SLC5A4: variants seen among roughly 807,000 people sequenced by gnomAD.
SLC5A4 encodes the protein solute carrier family 5 member 4.
A neutral mutation model predicts 70.3 loss-of-function variants in SLC5A4; 55 were observed. That is an observed-to-expected ratio of 0.78 (90% CI 0.63 to 0.98). The LOEUF (loss-of-function observed/expected upper bound fraction) is 0.98. Among genes scored for constraint, SLC5A4 ranks in the 50% least tolerant of loss-of-function variants. SLC5A4 has a pLI of 0.00. For synonymous variants in SLC5A4, 268 were observed against 305.7 expected (o/e 0.88, Z 1.29); for missense variants, 735 against 839.2 (o/e 0.88, Z 1.53).
intron 14 of SLC5A4, among the ~76,000 whole-genome samples, chr22:32,220,132 T>G (rs1018830090): frequency 6.6e-6 from 1 of 152,110 alleles, no homozygotes; most frequent in African/African-American, 2.4e-5. Flanking sequence ...TGAAATATTT[T>G]CATAAAATGG....
the SLC5A4 span, among the ~76,000 whole-genome samples, chr22:32,278,601 A>G: frequency 6.6e-6 from 1 of 152,222 alleles, no homozygotes; most frequent in South Asian, 2.1e-4. Flanking sequence ...GTTTCTCTAA[A>G]TCAAACAAAT....
chr22:32,307,626 G>A, the SLC5A4 span, among the ~76,000 whole-genome samples: 17 of 152,184 alleles, frequency 1.1e-4, no homozygotes, highest in Admixed American at 3.3e-4. Context: ...TGAGCTTTTC[G>A]GGTCACAACC....
At chr22:32,300,623 C>G in the SLC5A4 span, among the ~76,000 whole-genome samples, 30 of 151,728 alleles carry the variant, frequency 2.0e-4, no homozygotes, top group African/African-American at 6.5e-4. Flanking sequence ...CTGTCTTCTG[C>G]GTCACTCACG....
chr22:32,325,244 CGG>C, the SLC5A4 span, among the ~76,000 whole-genome samples: 1 of 152,198 alleles, frequency 6.6e-6, no homozygotes, highest in Non-Finnish European at 1.5e-5. Context: ...GAGTCAGGTG[CGG>C]GCCCTGCCCT....
chr22:32,330,906 T>G, the SLC5A4 span, among the ~76,000 whole-genome samples: 1 of 69,536 alleles, frequency 1.4e-5, no homozygotes, highest in Non-Finnish European at 3.4e-5. Context: ...CTCTCCTGTG[T>G]GTGTGTGTGT....
chr22:32,307,495 G>A, the SLC5A4 span, among the ~76,000 whole-genome samples: 6 of 152,150 alleles, frequency 3.9e-5, no homozygotes, highest in Non-Finnish European at 8.8e-5. Flanking sequence ...CTGGGTACAG[G>A]GCCAGGCAAG....
the SLC5A4 span, among the ~76,000 whole-genome samples, chr22:32,326,723 T>C: frequency 1.3e-5 from 2 of 152,228 alleles, no homozygotes; most frequent in Non-Finnish European, 2.9e-5. Context: ...AAAGAGACTC[T>C]GCTGACACGA....
At chr22:32,272,394 G>T in the SLC5A4 span, 2 of 908,938 alleles carry the variant, frequency 2.2e-6, no homozygotes, top group Non-Finnish European at 3.6e-6. Flanking sequence ...GGGCCAGCGA[G>T]CTGACGGGCA....
At chr22:32,287,911 G>A in the SLC5A4 span, among the ~76,000 whole-genome samples, 1 of 149,500 alleles carries the variant, frequency 6.7e-6, no homozygotes, top group Non-Finnish European at 1.5e-5. Flanking sequence ...AGGAGGAAAG[G>A]AATATGTCTC....
chr22:32,329,498 C>T, the SLC5A4 span, among the ~76,000 whole-genome samples: 19 of 122,362 alleles, frequency 1.6e-4, no homozygotes, highest in African/African-American at 4.4e-4. Context: ...GGGGAGGGGA[C>T]GAGGCAGTGG....
the SLC5A4 span, among the ~76,000 whole-genome samples, chr22:32,308,531 G>A: frequency 6.6e-6 from 1 of 152,178 alleles, no homozygotes; most frequent in Non-Finnish European, 1.5e-5. Context: ...AGAGCTTTTG[G>A]GATGACGGTT....
chr22:32,232,903 G>A lies in SLC5A4; in HGVS notation c.1017C>T (p.Tyr339=), dbSNP rs748165199. Residue 339 remains tyrosine, a synonymous_variant, in exon 9 of 15, where the codon TAC becomes TAT. Coordinates refer to ENST00000266086, the MANE Select transcript of SLC5A4 (RefSeq NM_014227.3). ...ACATACGGATTCAGGGCTTACCTGT[G>A]TACAGGATGCGGCTGATCATCCCCG... The part of the protein sequence containing the change: ...VMPGMISRIL[Y]TDMVACVVPS... 2 of 1,613,752 alleles carry A rather than the reference G, an allele frequency of 1.2e-6. No individual in the cohort carries two copies. The highest frequency in any genetic ancestry group is 1.7e-5 in the Admixed American group (1 of 59,944).
rs761024376 is a variant in SLC5A4 at position 32,218,553 on chromosome 22, G to A, written c.1941C>T (p.Leu647=). The change falls in exon 15 of 15, where the codon CTC becomes CTT. Residue 647 remains leucine (L), a synonymous_variant. Transcript: ENST00000266086. The stretch of plus-strand genomic sequence containing the variant: ...CGTGAATAAAGACCACCACAGCCAG[G>A]AGGAGGATGGCGTTGATGTTCACTA... The part of the protein sequence containing the change: ...RTIVNINAIL[L]LAVVVFIHGY... 1.2e-6 allele frequency: 2 copies of A among 1,613,578 alleles called. No individual in the cohort carries two copies. Among genetic ancestry groups the A allele is most frequent in the Non-Finnish European group, 1.7e-6 (2 of 1,179,904 alleles).
chr22:32,303,580 C>T, the SLC5A4 span, among the ~76,000 whole-genome samples: 262 of 144,180 alleles, frequency 1.8e-3, 1 homozygote, highest in African/African-American at 6.5e-3. Flanking sequence ...TTCAGATTGG[C>T]TTCTTTCACT....
chr22:32,341,998 T>C, the SLC5A4 span, among the ~76,000 whole-genome samples: 1 of 152,240 alleles, frequency 6.6e-6, no homozygotes, highest in Non-Finnish European at 1.5e-5. Context: ...AAGCATTTTA[T>C]TTTCTTTGTC....
the SLC5A4 span, among the ~76,000 whole-genome samples, chr22:32,333,880 TACAC>T: frequency 1.4e-5 from 2 of 142,542 alleles, no homozygotes; most frequent in African/African-American, 2.7e-5. Context: ...ACAATACACA[TACAC>T]ACACACCCCA....
the SLC5A4 span, among the ~76,000 whole-genome samples, chr22:32,309,342 T>G: frequency 6.6e-6 from 1 of 152,206 alleles, no homozygotes; most frequent in Non-Finnish European, 1.5e-5. Flanking sequence ...GAATGCAGAT[T>G]CCTCTGTGGA....
At chr22:32,278,800 A>T in the SLC5A4 span, among the ~76,000 whole-genome samples, 7 of 152,344 alleles carry the variant, frequency 4.6e-5, no homozygotes, top group East Asian at 1.3e-3. Flanking sequence ...TTCAGAAAAG[A>T]GAAAGACAGT....
chr22:32,347,349 T>C, the SLC5A4 span, among the ~76,000 whole-genome samples: 8,596 of 152,220 alleles, frequency 0.056, 258 homozygotes, highest in South Asian at 0.084. Context: ...GCCATCCCAT[T>C]ACTGGGTATA....
Sources: allele counts gnomAD v4.1 joint callset (sites outside exome capture counted in the v4.1 genomes callset), GRCh38; gene constraint gnomAD v4.1.1; transcripts MANE v1.5; gene names NCBI Gene and HGNC (gene_info 2026-07-23, HGNC 2026-07-21).